The following MGST1 variants were observed in gnomAD, a reference collection of about 807,000 sequenced individuals.
MGST1 encodes microsomal glutathione S-transferase 1.
MGST1 carries 5 observed loss-of-function variants against 8.9 expected under a neutral mutation model. The observed-to-expected ratio is 0.56, with a 90% CI of 0.29 to 1.19. The LOEUF (loss-of-function observed/expected upper bound fraction) is 1.19, where lower values mean the gene tolerates loss of function less well. Among genes scored for constraint, MGST1 ranks in the 50% most tolerant of loss-of-function variants. MGST1 has a pLI of 0.08. For missense variants in MGST1, 182 were observed against 187.4 expected, an observed-to-expected ratio of 0.97 and a Z score of 0.17; for synonymous variants, 54 against 67.8, an observed-to-expected ratio of 0.80 and a Z score of 1.00.
At chr12:16,403,860 A>G (rs1175182643) in intron 1 of MGST1, among the ~76,000 whole-genome samples, 3 of 152,088 alleles carry the variant, frequency 2.0e-5, no homozygotes, top group Non-Finnish European at 4.4e-5. Context: ...CTATCATGAG[A>G]ACAGCATGGG....
At chr12:16,512,192 G>A (rs1333185171) in intron 4 of MGST1, among the ~76,000 whole-genome samples, 2 of 151,918 alleles carry the variant, frequency 1.3e-5, no homozygotes, top group Non-Finnish European at 2.9e-5. Flanking sequence ...GGTATGCACG[G>A]ACATATACAC....
chr12:16,392,149 T>G (rs1360400682), intron 1 of MGST1, among the ~76,000 whole-genome samples: 1 of 152,220 alleles, frequency 6.6e-6, no homozygotes, highest in Non-Finnish European at 1.5e-5. Context: ...ACTGTAGCCC[T>G]GTAATATCAT....
At chr12:16,530,072 T>A (rs1941712805) in intron 4 of MGST1, among the ~76,000 whole-genome samples, 1 of 152,120 alleles carries the variant, frequency 6.6e-6, no homozygotes, top group Non-Finnish European at 1.5e-5. Context: ...TTCTGTCATT[T>A]GTATAGACAG....
At chr12:16,425,181 A>G (rs12304352) in intron 1 of MGST1, among the ~76,000 whole-genome samples, 13,572 of 152,170 alleles carry the variant, frequency 0.089, 2,029 homozygotes, top group African/African-American at 0.31. Context: ...TTTGTACTTT[A>G]TCTACTTAAG....
downstream of MGST1, among the ~76,000 whole-genome samples, chr12:16,589,910 C>T (rs1043037146): frequency 5.3e-5 from 8 of 152,030 alleles, no homozygotes; most frequent in Non-Finnish European, 8.8e-5. The surrounding 1 kb of genome is among the most constrained non-coding windows in gnomAD (Gnocchi z 4.2). Flanking sequence ...CTACTGTCTC[C>T]GTCTAGCTTT....
At chr12:16,475,147 A>AC (rs1390795866) in intron 4 of MGST1, among the ~76,000 whole-genome samples, 3 of 152,214 alleles carry the variant, frequency 2.0e-5, no homozygotes, top group African/African-American at 7.2e-5. Context: ...CCTTTGCAAG[A>AC]CCATGTAAAA....
intron 4 of MGST1, among the ~76,000 whole-genome samples, chr12:16,448,930 A>C (rs944464386): frequency 6.6e-6 from 1 of 151,942 alleles, no homozygotes; most frequent in Non-Finnish European, 1.5e-5. Context: ...ATTTATAAGA[A>C]GAGAGGGGGA....
intron 1 of MGST1, among the ~76,000 whole-genome samples, chr12:16,392,929 G>A (rs1225104369): frequency 6.6e-6 from 1 of 151,982 alleles, no homozygotes; most frequent in Non-Finnish European, 1.5e-5. Context: ...AGGTAGATAG[G>A]TATAGACATT....
intron 1 of MGST1, chr12:16,402,487 T>C: frequency 1.4e-6 from 2 of 1,425,796 alleles, no homozygotes; most frequent in South Asian, 2.3e-5. Context: ...CCACCTGCTC[T>C]CGGCCCAGGA....
chr12:16,421,910 A>T (rs1464722258), intron 1 of MGST1, among the ~76,000 whole-genome samples: 5 of 152,148 alleles, frequency 3.3e-5, no homozygotes, highest in Admixed American at 6.5e-5. Flanking sequence ...GGTTTCATTG[A>T]GGGATGTTGA....
intron 1 of MGST1, among the ~76,000 whole-genome samples, chr12:16,421,583 T>C (rs1198903534): frequency 6.6e-6 from 1 of 152,204 alleles, no homozygotes; most frequent in African/African-American, 2.4e-5. Flanking sequence ...TAGAATAATC[T>C]CCTAATTCTT....
At chr12:16,399,967 C>G in intron 1 of MGST1, 2 of 1,334,614 alleles carry the variant, frequency 1.5e-6, no homozygotes, top group Non-Finnish European at 2.2e-6. Context: ...CAGCGCACTA[C>G]TAGTGGGCTG....
At position 16,503,249 on chromosome 12, in the gene MGST1, T is replaced by C. The variant is rs138692648; in HGVS notation, n.483-86279T>C. 5.9e-5 allele frequency among the ~76,000 whole-genome samples: 9 copies of C among 151,990 alleles called. No homozygotes were observed. In the East Asian group the frequency reaches 1.5e-3, roughly 26 times the overall value. On this transcript the variant is annotated intron_variant and non_coding_transcript_variant, in intron 4 of 4. Coordinates refer to the MGST1 transcript ENST00000538857. This position sits in a 1 kb window ranked among gnomAD's most constrained non-coding sequence, Gnocchi z 4.8. ...GGACAGGCAATGTAAATATGGATGG[T>C]TTCAAGGGAAGGAAAATAAGACAGA...
At chr12:16,448,626 T>A (rs1941101986) in intron 4 of MGST1, among the ~76,000 whole-genome samples, 1 of 151,978 alleles carries the variant, frequency 6.6e-6, no homozygotes, top group South Asian at 2.1e-4. Context: ...ATTTAAAGTC[T>A]GTGTTATAGA....
At chr12:16,564,665 G>C (rs1183265812) in intron 4 of MGST1, among the ~76,000 whole-genome samples, 1 of 152,148 alleles carries the variant, frequency 6.6e-6, no homozygotes, top group East Asian at 1.9e-4. Context: ...CATAGTATTT[G>C]ACTCAAAGTA....
At chr12:16,531,887 G>A (rs10161264) in intron 4 of MGST1, among the ~76,000 whole-genome samples, 23,631 of 152,094 alleles carry the variant, frequency 0.16, 1,940 homozygotes, top group East Asian at 0.28. Flanking sequence ...GTGCAGGGGG[G>A]ACCACAGGCT....
intron 1 of MGST1, among the ~76,000 whole-genome samples, chr12:16,384,442 T>C (rs1364753246): frequency 6.6e-6 from 1 of 152,062 alleles, no homozygotes; most frequent in African/African-American, 2.4e-5. Context: ...TGAGGACAGA[T>C]GCAGAGAGTG....
intron 4 of MGST1, among the ~76,000 whole-genome samples, chr12:16,524,246 A>T (rs1390616593): frequency 2.0e-5 from 3 of 152,206 alleles, no homozygotes; most frequent in African/African-American, 7.2e-5. Flanking sequence ...ACCAATTAAT[A>T]TTCATATCTA....
chr12:16,446,645 C>T (rs1941082627), intron 4 of MGST1, among the ~76,000 whole-genome samples: 1 of 151,890 alleles, frequency 6.6e-6, no homozygotes, highest in Non-Finnish European at 1.5e-5. Context: ...AATGCTGCCA[C>T]TTAGCCTTTA....
Sources: gnomAD v4.1 joint callset for allele counts (sites outside exome capture counted in the v4.1 genomes callset) on GRCh38, gnomAD v4.1.1 for gene constraint, Gnocchi (gnomAD v3.1) non-coding constraint, MANE v1.5 for transcripts, NCBI Gene and HGNC (gene_info 2026-07-23, HGNC 2026-07-21) for gene names.